Variants in ROBO2 observed in about 807,000 individuals in gnomAD.
ROBO2 encodes the protein roundabout homolog 2.
ROBO2 carries 53 observed loss-of-function variants against 160.8 expected under a neutral mutation model. That is an observed-to-expected ratio of 0.33 (90% CI 0.26 to 0.41). The LOEUF (loss-of-function observed/expected upper bound fraction) is 0.41. Among genes scored for constraint, ROBO2 ranks in the 10% least tolerant of loss-of-function variants. ROBO2 has a pLI of 1.00. For synonymous variants in ROBO2, 664 were observed against 611.7 expected (o/e 1.09, Z -1.26); for missense variants, 1,577 against 1,722.4 (o/e 0.92, Z 1.49).
At chr3:76,891,754 G>A (rs536993475) in intron 2 of ROBO2, among the ~76,000 whole-genome samples, 1 of 152,304 alleles carries the variant, frequency 6.6e-6, no homozygotes, top group East Asian at 1.9e-4. Flanking sequence ...ATCACCTTGA[G>A]CTCAAGGAAG....
chr3:77,342,006 A>G (rs1005870603), intron 2 of ROBO2, among the ~76,000 whole-genome samples: 1 of 152,166 alleles, frequency 6.6e-6, no homozygotes, highest in Non-Finnish European at 1.5e-5. Flanking sequence ...CTGGATATTA[A>G]GAATATGCAT....
chr3:76,322,168 A>ATATATATATATATATATATG (rs2072593471), intron 2 of ROBO2, among the ~76,000 whole-genome samples: 1 of 29,934 alleles, frequency 3.3e-5, no homozygotes, highest in African/African-American at 8.8e-5. Flanking sequence ...TCTTCCGTAT[A>ATATATATATATATATATATG]TATATATATA....
chr3:77,269,845 A>G (rs1252824221), intron 2 of ROBO2, among the ~76,000 whole-genome samples: 2 of 152,222 alleles, frequency 1.3e-5, no homozygotes, highest in Non-Finnish European at 1.5e-5. Flanking sequence ...CTTCTGATGT[A>G]TTTTCTCTCT....
intron 2 of ROBO2, among the ~76,000 whole-genome samples, chr3:77,170,340 G>A (rs1414226147): frequency 6.6e-6 from 1 of 152,050 alleles, no homozygotes; most frequent in Non-Finnish European, 1.5e-5. Context: ...ACATACATAT[G>A]TGTTTAACAG....
chr3:77,483,303 G>A (rs1022660280), intron 4 of ROBO2, among the ~76,000 whole-genome samples: 1 of 152,004 alleles, frequency 6.6e-6, no homozygotes, highest in Admixed American at 6.6e-5. Flanking sequence ...AATCAAGGAT[G>A]TGACAAGTAT....
At chr3:76,033,310 A>G (rs2066990820) in intron 2 of ROBO2, among the ~76,000 whole-genome samples, 1 of 152,088 alleles carries the variant, frequency 6.6e-6, no homozygotes, top group South Asian at 2.1e-4. Flanking sequence ...ACACACACAC[A>G]CACAGACATA....
chr3:76,171,296 C>T (rs1454247615), intron 2 of ROBO2, among the ~76,000 whole-genome samples: 1 of 151,588 alleles, frequency 6.6e-6, no homozygotes, highest in Non-Finnish European at 1.5e-5. Context: ...CCCCAAATCT[C>T]CTTCTCCCAA....
At chr3:76,994,231 A>G (rs745448695) in intron 2 of ROBO2, among the ~76,000 whole-genome samples, 3 of 152,330 alleles carry the variant, frequency 2.0e-5, no homozygotes, top group Non-Finnish European at 4.4e-5. Context: ...TCCAACAACA[A>G]TCAAAACTAG....
chr3:77,625,284 C>T (rs1224744210), intron 23 of ROBO2, among the ~76,000 whole-genome samples: 1 of 152,132 alleles, frequency 6.6e-6, no homozygotes, highest in Admixed American at 6.6e-5. Flanking sequence ...ATGCCTATTA[C>T]TTCTAATCAC....
At chr3:77,179,329 A>G (rs2080469243) in intron 2 of ROBO2, among the ~76,000 whole-genome samples, 1 of 152,000 alleles carries the variant, frequency 6.6e-6, no homozygotes, top group Admixed American at 6.6e-5. Flanking sequence ...AAAAAAAGTT[A>G]AATTGAAGAC....
chr3:76,834,036 TTTCCTTTCTTTCTCTC>T (rs2067340497), intron 2 of ROBO2, among the ~76,000 whole-genome samples: 1 of 148,412 alleles, frequency 6.7e-6, no homozygotes, highest in African/African-American at 2.5e-5. Context: ...TCTTTCTTTC[TTTCCTTTCTTTCTCTC>T]CTTTCTTTCT....
Position 76,910,256 on chromosome 3 carries a change from AC to A in ROBO2, c.110-187757del, listed in dbSNP as rs1382294491. Among the ~76,000 whole-genome samples, 23 of 152,220 alleles carry A rather than the reference AC, an allele frequency of 1.5e-4. 1 individual carries two copies. In the East Asian group the frequency reaches 4.4e-3, roughly 29 times the overall value. On this transcript the variant is annotated intron_variant, in intron 2 of 26. Transcript: ENST00000487694. Reference sequence around the variant, plus strand: ...TATTAAGTCATTAGCTACTACAAAAACTTTTACTGAATATAAAAAAAACTAA... The same window carrying A: ...TATTAAGTCATTAGCTACTACAAAAATTTTACTGAATATAAAAAAAACTAA...
At chr3:76,967,249 C>T (rs187520623) in intron 2 of ROBO2, among the ~76,000 whole-genome samples, 25 of 147,932 alleles carry the variant, frequency 1.7e-4, no homozygotes, top group African/African-American at 2.8e-4. Context: ...TTTTTTGAGA[C>T]GGAATCTCAC....
intron 1 of ROBO2, among the ~76,000 whole-genome samples, chr3:77,054,923 C>CATGTATGTGTGT: frequency 1.7e-5 from 1 of 58,806 alleles, no homozygotes; most frequent in African/African-American, 5.8e-5. Flanking sequence ...CAAAATCTCG[C>CATGTATGTGTGT]GTGTATGTGT....
intron 2 of ROBO2, among the ~76,000 whole-genome samples, chr3:76,097,013 G>A (rs2069479651): frequency 6.6e-6 from 1 of 152,084 alleles, no homozygotes; most frequent in South Asian, 2.1e-4. Flanking sequence ...TGGAAACCTG[G>A]TAAACATAGA....
chr3:76,776,757 G>T (rs752238128), intron 2 of ROBO2, among the ~76,000 whole-genome samples: 2 of 150,936 alleles, frequency 1.3e-5, no homozygotes, highest in Non-Finnish European at 3.0e-5. Context: ...TCTCAAAGAG[G>T]CTAATACTAA....
At chr3:77,055,600 C>T (rs1000324925) in intron 1 of ROBO2, among the ~76,000 whole-genome samples, 11 of 152,234 alleles carry the variant, frequency 7.2e-5, no homozygotes, top group Admixed American at 2.6e-4. Flanking sequence ...GAAAAATATA[C>T]ATTTGGAAGA....
chr3:76,901,208 T>G (rs1226902510), intron 2 of ROBO2, among the ~76,000 whole-genome samples: 1 of 152,104 alleles, frequency 6.6e-6, no homozygotes, highest in Non-Finnish European at 1.5e-5. Flanking sequence ...TTTTCCTAAT[T>G]TATTTTATCT....
chr3:77,077,276 G>A (rs931443771), intron 1 of ROBO2, among the ~76,000 whole-genome samples: 4 of 152,052 alleles, frequency 2.6e-5, no homozygotes, highest in Non-Finnish European at 5.9e-5. Flanking sequence ...GTGTCTAAAA[G>A]TTCAATGAAT....
Sources: allele counts gnomAD v4.1 joint callset (sites outside exome capture counted in the v4.1 genomes callset), GRCh38; gene constraint gnomAD v4.1.1; transcripts MANE v1.5; gene names NCBI Gene and HGNC (gene_info 2026-07-23, HGNC 2026-07-21).